Variants in HDX observed in about 807,000 individuals in gnomAD.
HDX encodes highly divergent homeobox.
Under a neutral mutation model 45.2 loss-of-function variants are expected in HDX, and 19 were observed. The ratio of observed to expected loss-of-function variants is 0.42; its 90% CI spans 0.29 to 0.62. The LOEUF is 0.62. Ranked by LOEUF, HDX falls within the 20% of genes least tolerant of loss-of-function variation. HDX has a pLI of 0.20. For synonymous variants in HDX, 188 were observed against 172.8 expected, an observed-to-expected ratio of 1.09 and a Z score of -0.69; for missense variants, 532 against 493.9, an observed-to-expected ratio of 1.08 and a Z score of -0.73.
intron 1 of HDX, among the ~76,000 whole-genome samples, chrX:84,495,450 C>A (rs2040981009): frequency 9.0e-6 from 1 of 111,349 alleles, no homozygotes; most frequent in African/African-American, 3.3e-5. Flanking sequence ...ATGTTACACA[C>A]TATAAACATA....
intron 5 of HDX, among the ~76,000 whole-genome samples, chrX:84,384,863 T>G (rs774028329): frequency 9.0e-6 from 1 of 111,070 alleles, no homozygotes; most frequent in African/African-American, 3.3e-5. Flanking sequence ...TTCTGAGTTT[T>G]CTATTCTATT....
At chrX:84,330,232 C>T (rs1409037709) in intron 9 of HDX, among the ~76,000 whole-genome samples, 1 of 111,277 alleles carries the variant, frequency 9.0e-6, no homozygotes, top group Non-Finnish European at 1.9e-5. Context: ...AAATAATCAG[C>T]CAGTTACCAT....
intron 4 of HDX, among the ~76,000 whole-genome samples, chrX:84,459,736 A>G (rs2040196211): frequency 9.0e-6 from 1 of 111,604 alleles, no homozygotes; most frequent in Non-Finnish European, 1.9e-5. Flanking sequence ...AGTACAAAAG[A>G]TCAATGAAGT....
chrX:84,324,733 T>G (rs188123294), intron 10 of HDX, among the ~76,000 whole-genome samples: 107 of 111,281 alleles, frequency 9.6e-4, no homozygotes, highest in African/African-American at 3.1e-3. Flanking sequence ...TATTCCTAGA[T>G]GTCAAGAGGC....
intron 5 of HDX, among the ~76,000 whole-genome samples, chrX:84,394,527 C>A (rs1197219553): frequency 1.8e-5 from 2 of 111,597 alleles, no homozygotes; most frequent in East Asian, 5.6e-4. Flanking sequence ...GTCTAAAATG[C>A]AGTTTCAGTC....
Position 84,318,515 on chromosome X carries a change from G to C in HDX, c.*3374C>G, listed in dbSNP as rs1440795171. ...TTTTAAAAAGGATCACAAAATAGTT[G>C]TCTGAGATGAAGAAACTATCCCTTG... On this transcript the variant is annotated 3_prime_UTR_variant, in exon 11 of 11. Coordinates refer to ENST00000373177, the MANE Select transcript of HDX (RefSeq NM_001177479.2). The C allele has an allele frequency of 2.7e-5, 3 of 110,936 alleles. No individual in the cohort carries two copies. The highest frequency in any genetic ancestry group is 1.9e-4 in the Admixed American group (2 of 10,396). 9.1% of individuals were successfully genotyped at this position (110,936 alleles called of 1,213,427 possible).
At chrX:84,385,459 C>T (rs1388623937) in intron 5 of HDX, among the ~76,000 whole-genome samples, 1 of 108,957 alleles carries the variant, frequency 9.2e-6, no homozygotes, top group Admixed American at 9.8e-5. Flanking sequence ...GTGATCCGCC[C>T]GCCTCGGCCT....
chrX:84,402,226 G>A (rs1766682633), intron 5 of HDX, among the ~76,000 whole-genome samples: 1 of 111,602 alleles, frequency 9.0e-6, no homozygotes, highest in African/African-American at 3.3e-5. Flanking sequence ...AGAATATGTA[G>A]AACCTGAGAA....
rs769976915 is a variant in HDX at position 84,389,181 on chromosome X, A to C, written c.1306-27569T>G. On this transcript the variant is annotated intron_variant, in intron 5 of 10. Transcript: ENST00000373177. ...ACATGACTCCTTTGTACTTTTTGTC[A>C]TTTGCAGGCATGCTCTGCTTTGGGA... Among the ~76,000 whole-genome samples, 15 of 112,038 alleles carry C rather than the reference A, an allele frequency of 1.3e-4. No individual in the cohort carries two copies. In the East Asian group the frequency reaches 4.2e-3, roughly 32 times the overall value.
At position 84,469,587 on chromosome X, in the gene HDX, A is replaced by G; in HGVS notation, c.148-12T>C. 8.8e-7 allele frequency: 1 copy of G among 1,137,180 alleles called. No homozygotes were observed. The highest frequency in any genetic ancestry group is 1.2e-6 in the Non-Finnish European group (1 of 859,644). The allele number at this position is 1,137,180 out of a possible 1,213,427, so 93.7% of individuals were successfully genotyped here. A position where few individuals can be genotyped will look rare whatever the true frequency, so the allele number is the denominator to read the frequency against. On this transcript the variant is annotated splice_polypyrimidine_tract_variant and intron_variant, in intron 3 of 10. Coordinates refer to ENST00000373177, the MANE Select transcript of HDX (RefSeq NM_001177479.2). ...TTGCCAACCCACGTCTGGAAGGATA[A>G]AACATGGTATTATGAAAAAAAAATT...
At chrX:84,450,105 TA>T (rs138310040) in intron 4 of HDX, among the ~76,000 whole-genome samples, 43 of 105,648 alleles carry the variant, frequency 4.1e-4, no homozygotes, top group African/African-American at 8.6e-4. Context: ...TAAAGTATAA[TA>T]AAAAAAAAGG....
chrX:84,402,857 T>G (rs1218494230), intron 5 of HDX, among the ~76,000 whole-genome samples: 2 of 111,411 alleles, frequency 1.8e-5, no homozygotes, highest in Non-Finnish European at 3.8e-5. Flanking sequence ...GTGTTTTGGA[T>G]TTAGCCATTA....
intron 7 of HDX, among the ~76,000 whole-genome samples, chrX:84,339,315 G>A (rs918250219): frequency 9.0e-6 from 1 of 111,259 alleles, no homozygotes; most frequent in Non-Finnish European, 1.9e-5. Flanking sequence ...TGAAGGAAGG[G>A]AAAAAGTGTC....
intron 7 of HDX, among the ~76,000 whole-genome samples, chrX:84,337,498 G>T (rs951910943): frequency 8.1e-5 from 9 of 110,485 alleles, no homozygotes; most frequent in Non-Finnish European, 1.5e-4. Flanking sequence ...ATGAACATTT[G>T]TTTCTCATTC....
At chrX:84,443,815 C>G (rs773226871) in intron 4 of HDX, among the ~76,000 whole-genome samples, 1 of 111,872 alleles carries the variant, frequency 8.9e-6, no homozygotes, top group East Asian at 2.8e-4. Flanking sequence ...TTGACAAAAT[C>G]GAACATTACT....
intron 4 of HDX, among the ~76,000 whole-genome samples, chrX:84,463,031 C>T (rs1379941541): frequency 3.6e-5 from 4 of 110,344 alleles, no homozygotes; most frequent in Admixed American, 9.7e-5. Flanking sequence ...TAGGGGATGC[C>T]GTGTGCTAAT....
chrX:84,444,781 G>C (rs1047428509), intron 4 of HDX, among the ~76,000 whole-genome samples: 8 of 111,525 alleles, frequency 7.2e-5, no homozygotes, highest in Admixed American at 1.9e-4. Context: ...ACACTTGCCA[G>C]TCTCATGTAA....
At chrX:84,432,443 T>C (rs1175971680) in intron 5 of HDX, among the ~76,000 whole-genome samples, 1 of 112,188 alleles carries the variant, frequency 8.9e-6, no homozygotes, top group Non-Finnish European at 1.9e-5. Flanking sequence ...TTTGACAATA[T>C]GGATTCTTCC....
intron 4 of HDX, among the ~76,000 whole-genome samples, chrX:84,441,788 G>A (rs2039765964): frequency 1.8e-5 from 2 of 109,974 alleles, no homozygotes; most frequent in Admixed American, 1.9e-4. Flanking sequence ...GGTGAAATAT[G>A]TTGACCTTTA....
Sources: allele counts gnomAD v4.1 joint callset (sites outside exome capture counted in the v4.1 genomes callset), GRCh38; gene constraint gnomAD v4.1.1; transcripts MANE v1.5; gene names NCBI Gene and HGNC (gene_info 2026-07-23, HGNC 2026-07-21).